Variants in GFRA2 observed in about 807,000 individuals in gnomAD.
GFRA2 encodes the protein GDNF family receptor alpha-2.
GFRA2 carries 17 observed loss-of-function variants against 48.3 expected under a neutral mutation model. The observed-to-expected ratio is 0.35, with a 90% confidence interval of 0.24 to 0.53. The LOEUF (loss-of-function observed/expected upper bound fraction) is 0.53, where lower values mean the gene tolerates loss of function less well. Among genes scored for constraint, GFRA2 ranks in the 20% least tolerant of loss-of-function variants. The pLI, the probability that GFRA2 is intolerant of heterozygous loss-of-function variation, is 0.93. For missense variants in GFRA2, 660 were observed against 637.3 expected, an observed-to-expected ratio of 1.04 and a Z score of -0.38; for synonymous variants, 305 against 257.2, an observed-to-expected ratio of 1.19 and a Z score of -1.78.
chr8:21,738,104 C>T (rs1219632243), intron 4 of GFRA2, among the ~76,000 whole-genome samples: 1 of 151,522 alleles, frequency 6.6e-6, no homozygotes, highest in African/African-American at 2.4e-5. Context: ...GAAACCCAAA[C>T]ATTGTCCCTC....
intron 4 of GFRA2, among the ~76,000 whole-genome samples, chr8:21,736,644 C>T (rs1804477619): frequency 6.6e-6 from 1 of 151,862 alleles, no homozygotes; most frequent in African/African-American, 2.4e-5. Context: ...TAGAGGCAGG[C>T]ACCACCGTAT....
intron 7 of GFRA2, 87 bp from the exon 8 acceptor site, chr8:21,694,604 T>C: frequency 2.4e-6 from 3 of 1,252,286 alleles, no homozygotes; most frequent in East Asian, 2.5e-5. Context: ...GGCCCCGCCA[T>C]GCACTGTTGG....
chr8:21,697,934 CTG>C (rs1802291230), intron 7 of GFRA2, among the ~76,000 whole-genome samples: 1 of 152,220 alleles, frequency 6.6e-6, no homozygotes, highest in Admixed American at 6.5e-5. Context: ...CCATGTGGAA[CTG>C]TGAGTCCACT....
chr8:21,694,055 T>TATTTA (rs1802021821), intron 8 of GFRA2, among the ~76,000 whole-genome samples: 1 of 77,466 alleles, frequency 1.3e-5, no homozygotes, highest in African/African-American at 4.8e-5. Flanking sequence ...ATATATATAT[T>TATTTA]TATATATATA....
At chr8:21,777,655 C>T (rs888048832) in intron 2 of GFRA2, among the ~76,000 whole-genome samples, 18 of 152,204 alleles carry the variant, frequency 1.2e-4, no homozygotes, top group African/African-American at 4.3e-4. Context: ...TCTCAAAGCC[C>T]CCATGCAGCC....
At chr8:21,787,619 G>T (rs1807346797) in intron 1 of GFRA2, among the ~76,000 whole-genome samples, 1 of 152,164 alleles carries the variant, frequency 6.6e-6, no homozygotes, top group Admixed American at 6.5e-5. Context: ...CTCCCCGCGC[G>T]ATGTCCAAGC....
chr8:21,801,233 T>A (rs1388240969), intron 2 of GFRA2, among the ~76,000 whole-genome samples: 1 of 152,086 alleles, frequency 6.6e-6, no homozygotes, highest in Admixed American at 6.5e-5. Context: ...CCCAGGAATA[T>A]GAATGGGACT....
intron 1 of GFRA2, among the ~76,000 whole-genome samples, chr8:21,786,765 G>A (rs1215678130): frequency 2.6e-5 from 4 of 152,162 alleles, no homozygotes; most frequent in Non-Finnish European, 5.9e-5. Context: ...GACACCCAAT[G>A]ACTCCGGTCC....
chr8:21,698,980 C>T (rs373685849), intron 7 of GFRA2, among the ~76,000 whole-genome samples: 1 of 152,192 alleles, frequency 6.6e-6, no homozygotes. Flanking sequence ...TCCCAGTCAA[C>T]GCACTCTCTC....
chr8:21,775,315 G>A lies in GFRA2; in HGVS notation c.356-260C>T, dbSNP rs913183283. Among the ~76,000 whole-genome samples the A allele has an allele frequency of 9.6e-4, 146 of 152,334 alleles. 1 individual carries two copies. The highest frequency in any genetic ancestry group is 3.4e-3 in the African/African-American group (142 of 41,580). ...TGACAGCAGCTCAGAACTGCCTGACGCTTCTCTCTCGTGACCACCCTGCAT... is the reference window on the plus strand; with the variant it reads ...TGACAGCAGCTCAGAACTGCCTGACACTTCTCTCTCGTGACCACCCTGCAT... On this transcript the variant is annotated intron_variant, in intron 2 of 8. Transcript: ENST00000524240.
At chr8:21,706,831 C>G (rs1250406657) in intron 4 of GFRA2, among the ~76,000 whole-genome samples, 1 of 152,226 alleles carries the variant, frequency 6.6e-6, no homozygotes, top group African/African-American at 2.4e-5. Context: ...GGGTCTGTCC[C>G]CAGCCCTCAG....
chr8:21,803,860 C>A (rs1330851284), intron 2 of GFRA2, among the ~76,000 whole-genome samples: 2 of 152,078 alleles, frequency 1.3e-5, no homozygotes, highest in Non-Finnish European at 2.9e-5. Context: ...CTGAAACTCC[C>A]AGCGACCCAA....
chr8:21,798,957 G>A (rs1008089787), intron 2 of GFRA2, among the ~76,000 whole-genome samples: 5 of 152,168 alleles, frequency 3.3e-5, no homozygotes, highest in Admixed American at 6.5e-5. Flanking sequence ...GTTCGAACAT[G>A]ACCTACATCC....
intron 1 of GFRA2, among the ~76,000 whole-genome samples, chr8:21,807,172 T>A (rs1049164530): frequency 6.6e-6 from 1 of 152,242 alleles, no homozygotes; most frequent in Non-Finnish European, 1.5e-5. Flanking sequence ...GTCATTATAG[T>A]AGTATTCAGC....
At position 21,691,047 on chromosome 8, in the gene GFRA2, G is replaced by A. The variant is rs1801866026; in HGVS notation, c.*2231C>T. On this transcript the variant is annotated 3_prime_UTR_variant, in exon 9 of 9. Coordinates refer to ENST00000524240, the MANE Select transcript of GFRA2 (RefSeq NM_001495.5). ...AATACACCACAGTGATAAACGCTGT[G>A]AACGGATGCTGCTCACACATATACA... 6.6e-6 allele frequency: 1 copy of A among 152,182 alleles called. No homozygotes were observed. Among genetic ancestry groups the A allele is most frequent in the South Asian group, 2.1e-4 (1 of 4,836 alleles). The allele number at this position is 152,182 out of a possible 1,614,324, so 9.4% of individuals were successfully genotyped here.
intron 4 of GFRA2, among the ~76,000 whole-genome samples, chr8:21,721,374 C>T (rs969959051): frequency 6.6e-6 from 1 of 152,178 alleles, no homozygotes; most frequent in Non-Finnish European, 1.5e-5. Context: ...AGAATTAACA[C>T]ACATCCTTAA....
At chr8:21,740,068 TA>T (rs2117544266) in intron 4 of GFRA2, among the ~76,000 whole-genome samples, 1 of 152,216 alleles carries the variant, frequency 6.6e-6, no homozygotes, top group South Asian at 2.1e-4. Flanking sequence ...ACAGAGTCAG[TA>T]TCAAAGACCA....
intron 4 of GFRA2, among the ~76,000 whole-genome samples, chr8:21,742,858 G>A (rs912645919): frequency 2.6e-5 from 4 of 152,178 alleles, no homozygotes; most frequent in African/African-American, 9.7e-5. Context: ...CATCCACCTG[G>A]GGTGTGAGCC....
At chr8:21,791,625 A>G (rs1383862297), upstream of GFRA2, among the ~76,000 whole-genome samples, 1 of 152,218 alleles carries the variant, frequency 6.6e-6, no homozygotes, top group Non-Finnish European at 1.5e-5. Context: ...AGGACTTCTG[A>G]ACCTCAGTCA....
Sources: gnomAD v4.1 joint callset for allele counts (sites outside exome capture counted in the v4.1 genomes callset) on GRCh38, gnomAD v4.1.1 for gene constraint, MANE v1.5 for transcripts, NCBI Gene and HGNC (gene_info 2026-07-23, HGNC 2026-07-21) for gene names.